Variants in NSD2 observed in about 807,000 individuals in gnomAD.
NSD2 encodes histone-lysine N-methyltransferase NSD2.
A neutral mutation model predicts 139.0 loss-of-function variants in NSD2; 12 were observed. The ratio of observed to expected loss-of-function variants is 0.09; its 90% confidence interval spans 0.06 to 0.14. NSD2 has a LOEUF of 0.14. Among genes scored for constraint, NSD2 ranks in the 10% least tolerant of loss-of-function variants. The pLI is 1.00. For synonymous variants in NSD2, 669 were observed against 648.7 expected (o/e 1.03, Z -0.48); for missense variants, 1,155 against 1,745.0 (o/e 0.66, Z 6.02).
In NSD2 at chr4:1,935,139, C is replaced by G; in HGVS notation, c.1556-5C>G. ...ATGTACATTTTCCCCATTCCCCATT[C>G]CAAGGTAATGTAAATGGGAAAAAAA... On this transcript the variant is annotated splice_polypyrimidine_tract_variant and splice_region_variant and intron_variant, in intron 6 of 21. Transcript: ENST00000508803. 6.2e-7 allele frequency: 1 copy of G among 1,604,162 alleles called. No individual in the cohort carries two copies. The highest frequency in any genetic ancestry group is 8.5e-7 in the Non-Finnish European group (1 of 1,173,810).
In NSD2 at chr4:1,957,923, GA is replaced by G; in HGVS notation, c.2882-9del. 1 of 1,612,774 alleles carries G rather than the reference GA, an allele frequency of 6.2e-7. No individual in the cohort carries two copies. The highest frequency in any genetic ancestry group is 1.7e-4 in the Middle Eastern group (1 of 6,032). On this transcript the variant is annotated splice_polypyrimidine_tract_variant and intron_variant, in intron 15 of 21. Coordinates refer to ENST00000508803, the MANE Select transcript of NSD2 (RefSeq NM_001042424.3). The stretch of plus-strand genomic sequence containing the variant: ...CTAAAATCTTTACTCCTATTTCATT[GA>G]CTTTTTAGCACTGCAAGAAGCTGAA...
chr4:1,965,069 A>AG (rs1354591721), intron 18 of NSD2, among the ~76,000 whole-genome samples: 1 of 149,128 alleles, frequency 6.7e-6, no homozygotes, highest in East Asian at 1.9e-4. Flanking sequence ...AAAAAAAAAA[A>AG]AAAAAAGCCT....
In NSD2 at chr4:1,956,157, G is replaced by A. The variant is rs1724781714; in HGVS notation, c.2850G>A (p.Gly950=). 1 of 1,613,252 alleles carries A rather than the reference G, an allele frequency of 6.2e-7. No individual in the cohort carries two copies. The highest frequency in any genetic ancestry group is 8.5e-7 in the Non-Finnish European group (1 of 1,179,548). ...GGGACCGGGGCAGCCGCTACCAGGG[G>A]GTCAGAGGGATCGGAAGAGTCTTCA... ...MEGDRGSRYQ[G]VRGIGRVFKN... The change falls in exon 15 of 22, where the codon GGG becomes GGA. Residue 950 remains glycine (G), a synonymous_variant. Transcript: ENST00000508803. The surrounding 1 kb of genome is among the most constrained non-coding windows in gnomAD (Gnocchi z 5.3).
At chr4:1,922,748 A>C (rs911447564) in intron 5 of NSD2, among the ~76,000 whole-genome samples, 1 of 152,264 alleles carries the variant, frequency 6.6e-6, no homozygotes, top group South Asian at 2.1e-4. Flanking sequence ...CAACATGATG[A>C]AACCTTATCT....
At chr4:1,927,642 C>T (rs1721095592) in intron 5 of NSD2, among the ~76,000 whole-genome samples, 1 of 147,766 alleles carries the variant, frequency 6.8e-6, no homozygotes, top group Admixed American at 6.9e-5. Context: ...TCGCTTGAAC[C>T]CAGGAGGCAG....
At chr4:1,882,372 A>G (rs922165304) in intron 1 of NSD2, among the ~76,000 whole-genome samples, 1 of 152,230 alleles carries the variant, frequency 6.6e-6, no homozygotes. Context: ...TGGGCAAGAA[A>G]GAAAACTTTG....
Position 1,942,294 on chromosome 4 carries a change from T to C in NSD2, c.1881+2516T>C. On this transcript the variant is annotated intron_variant, in intron 9 of 21. Transcript: ENST00000508803. This position sits in a 1 kb window ranked among gnomAD's most constrained non-coding sequence, Gnocchi z 4.0. ...GTTTTGTAACTTCATTTTTTATTCC[T>C]TTAGTAGAGCAAATTCTTATTTTTT... 6.2e-7 allele frequency: 1 copy of C among 1,609,322 alleles called. No homozygotes were observed. The highest frequency in any genetic ancestry group is 8.5e-7 in the Non-Finnish European group (1 of 1,178,506).
intron 21 of NSD2, among the ~76,000 whole-genome samples, chr4:1,977,456 A>G (rs1727213212): frequency 6.6e-6 from 1 of 152,178 alleles, no homozygotes; most frequent in Non-Finnish European, 1.5e-5. Context: ...CAGAAGAAAA[A>G]TTAAATGGCC....
chr4:1,923,711 A>G (rs778907234), intron 5 of NSD2, among the ~76,000 whole-genome samples: 4 of 152,176 alleles, frequency 2.6e-5, no homozygotes, highest in Non-Finnish European at 5.9e-5. Flanking sequence ...TTTTACTCCT[A>G]GATATTTACC....
At chr4:1,873,433 G>T (rs1714016305) in intron 1 of NSD2, among the ~76,000 whole-genome samples, 1 of 152,212 alleles carries the variant, frequency 6.6e-6, no homozygotes, top group African/African-American at 2.4e-5. Flanking sequence ...TATAAGGTCA[G>T]CAGGCTGCAG....
At chr4:1,953,879 C>G (rs146680725) in intron 12 of NSD2, among the ~76,000 whole-genome samples, 1,902 of 151,910 alleles carry the variant, frequency 0.013, 23 homozygotes, top group Non-Finnish European at 0.02. Flanking sequence ...GCATCCTTGA[C>G]CTCCTGGGCT....
At chr4:1,941,370 T>G in intron 9 of NSD2, 2 of 1,051,170 alleles carry the variant, frequency 1.9e-6, no homozygotes, top group Non-Finnish European at 1.1e-6. Context: ...GCTGAGATCT[T>G]CTCTGTTATT....
chr4:1,907,611 A>G (rs982765296), intron 3 of NSD2, among the ~76,000 whole-genome samples: 1 of 135,184 alleles, frequency 7.4e-6, no homozygotes, highest in Non-Finnish European at 1.6e-5. Flanking sequence ...TACCTGTTGA[A>G]TCTCTTTTTT....
chr4:1,934,905 A>ATATATATATATATG (rs1383288554), intron 6 of NSD2, among the ~76,000 whole-genome samples: 8 of 131,616 alleles, frequency 6.1e-5, no homozygotes, highest in African/African-American at 2.0e-4. Flanking sequence ...ATATATATAT[A>ATATATATATATATG]TATAAAAAAC....
At chr4:1,922,852 A>G (rs1449243568) in intron 5 of NSD2, among the ~76,000 whole-genome samples, 2 of 152,136 alleles carry the variant, frequency 1.3e-5, no homozygotes, top group East Asian at 3.9e-4. Flanking sequence ...CTTGAACCTG[A>G]TAGGCGGAGG....
In NSD2 at chr4:1,956,141, G is replaced by GC. The variant is rs777528421; in HGVS notation, c.2835dup (p.Ser946GlnfsTer21). On this transcript the variant is annotated frameshift_variant, in exon 15 of 22. Transcript: ENST00000508803. LOFTEE classifies it high-confidence loss of function. This position sits in a 1 kb window ranked among gnomAD's most constrained non-coding sequence, Gnocchi z 5.3. Reference sequence around the variant, plus strand: ...TTCCCGTACATGGAGGGGGACCGGGGCAGCCGCTACCAGGGGGTCAGAGGG... The same window carrying GC: ...TTCCCGTACATGGAGGGGGACCGGGGCCAGCCGCTACCAGGGGGTCAGAGGG... 1 of 1,613,310 alleles carries GC rather than the reference G, an allele frequency of 6.2e-7. No individual in the cohort carries two copies.
chr4:1,925,349 G>C (rs1387776909), intron 5 of NSD2, among the ~76,000 whole-genome samples: 2 of 139,362 alleles, frequency 1.4e-5, no homozygotes, highest in African/African-American at 5.4e-5. Flanking sequence ...ACTTTTTGTT[G>C]CTACTTGCTG....
Position 1,974,928 on chromosome 4 carries a change from C to T in NSD2, c.3438C>T (p.Pro1146=). ...GATTTATGAATCACAGCTGCCAGCC[C>T]AACTGTGAGACCCTCAAGTGGACAG... The part of the protein sequence containing the change: ...YSRFMNHSCQ[P]NCETLKWTVN... Residue 1146 remains proline, a synonymous_variant, in exon 19 of 22, where the codon CCC becomes CCT. Transcript: ENST00000508803. The surrounding 1 kb of genome is among the most constrained non-coding windows in gnomAD (Gnocchi z 4.0). 5 of 1,614,242 alleles carry T rather than the reference C, an allele frequency of 3.1e-6. No individual in the cohort carries two copies. Among genetic ancestry groups the T allele is most frequent in the Non-Finnish European group, 4.2e-6 (5 of 1,180,050 alleles).
At chr4:1,904,528 G>A in intron 3 of NSD2, 150 bp downstream of exon 3, 1 of 802,186 alleles carries the variant, frequency 1.2e-6, no homozygotes, top group Non-Finnish European at 1.9e-6. Context: ...CAAGTGTGAT[G>A]TGTTGCCATT....
Sources: gnomAD v4.1 joint callset for allele counts (sites outside exome capture counted in the v4.1 genomes callset) on GRCh38, gnomAD v4.1.1 for gene constraint, Gnocchi (gnomAD v3.1) non-coding constraint, MANE v1.5 for transcripts, NCBI Gene and HGNC (gene_info 2026-07-23, HGNC 2026-07-21) for gene names.